The following PTPRG variants were observed in gnomAD, a reference collection of about 807,000 sequenced individuals.
PTPRG encodes the protein protein tyrosine phosphatase receptor type G.
Under a neutral mutation model 165.3 loss-of-function variants are expected in PTPRG, and 102 were observed. That is an observed-to-expected ratio of 0.62 (90% CI 0.53 to 0.73). PTPRG has a LOEUF of 0.73. Ranked by LOEUF, PTPRG falls within the 30% of genes least tolerant of loss-of-function variation. The pLI, the probability that PTPRG is intolerant of heterozygous loss-of-function variation, is 0.00. For synonymous variants in PTPRG, 675 were observed against 669.5 expected (o/e 1.01, Z -0.13); for missense variants, 1,866 against 1,861.4 (o/e 1.00, Z -0.05).
chr3:61,705,308 G>T (rs544663920), intron 1 of PTPRG, among the ~76,000 whole-genome samples: 21 of 152,294 alleles, frequency 1.4e-4, no homozygotes, highest in Non-Finnish European at 2.4e-4. Context: ...ACCAGTATCT[G>T]ATGGGTTTTG....
intron 7 of PTPRG, among the ~76,000 whole-genome samples, chr3:62,162,950 T>A (rs1219236345): frequency 6.6e-6 from 1 of 151,900 alleles, no homozygotes; most frequent in Non-Finnish European, 1.5e-5. Flanking sequence ...AGAAAAGAGG[T>A]TTAATTGGCT....
At chr3:61,640,463 C>T (rs1294825220) in intron 1 of PTPRG, among the ~76,000 whole-genome samples, 1 of 152,148 alleles carries the variant, frequency 6.6e-6, no homozygotes, top group Non-Finnish European at 1.5e-5. Flanking sequence ...GAACATAAAC[C>T]AAGGATCAGG....
intron 1 of PTPRG, among the ~76,000 whole-genome samples, chr3:61,650,104 C>G (rs1408472291): frequency 6.6e-6 from 1 of 152,140 alleles, no homozygotes; most frequent in Non-Finnish European, 1.5e-5. Flanking sequence ...CCCATAAGCA[C>G]CAGGGATTAA....
intron 1 of PTPRG, among the ~76,000 whole-genome samples, chr3:61,634,183 T>C (rs1315264071): frequency 6.6e-6 from 1 of 151,974 alleles, no homozygotes; most frequent in Non-Finnish European, 1.5e-5. Context: ...CTATATACAT[T>C]AATTTCTTAC....
chr3:62,145,020 A>T (rs186333312), intron 6 of PTPRG, among the ~76,000 whole-genome samples: 1 of 152,062 alleles, frequency 6.6e-6, no homozygotes, highest in East Asian at 1.9e-4. Context: ...GAGAGCTCTT[A>T]AAAAAATACC....
chr3:61,888,784 A>G (rs968682545), intron 2 of PTPRG, among the ~76,000 whole-genome samples: 3 of 152,154 alleles, frequency 2.0e-5, no homozygotes, highest in African/African-American at 7.2e-5. Flanking sequence ...CCCAAGCCAG[A>G]TCATACATTG....
chr3:62,138,876 T>C (rs953776624), intron 6 of PTPRG, among the ~76,000 whole-genome samples: 2 of 152,242 alleles, frequency 1.3e-5, no homozygotes, highest in Admixed American at 1.3e-4. Flanking sequence ...TTTGTCTTCC[T>C]TTTTATAGTG....
At chr3:62,288,494 G>A (rs528573105) in intron 28 of PTPRG, among the ~76,000 whole-genome samples, 35 of 152,066 alleles carry the variant, frequency 2.3e-4, no homozygotes, top group African/African-American at 6.3e-4. Context: ...CCAACATGGC[G>A]AAACCCCGTC....
At chr3:62,282,913 G>C (rs1702508478) in intron 28 of PTPRG, 44 bp downstream of exon 28, 3 of 1,546,016 alleles carry the variant, frequency 1.9e-6, no homozygotes, top group African/African-American at 1.4e-5. Flanking sequence ...CCGTTTTTTT[G>C]TTTAATTTCT....
At chr3:62,067,279 A>T (rs1259344514) in intron 4 of PTPRG, among the ~76,000 whole-genome samples, 5 of 149,146 alleles carry the variant, frequency 3.4e-5, no homozygotes, top group African/African-American at 1.2e-4. Flanking sequence ...TTCTTTTGTC[A>T]ACCTCCAAAG....
intron 2 of PTPRG, among the ~76,000 whole-genome samples, chr3:61,871,270 C>G (rs2107444002): frequency 6.6e-6 from 1 of 151,916 alleles, no homozygotes; most frequent in African/African-American, 2.4e-5. Flanking sequence ...GTCTGTCACC[C>G]AGGCTGGAGT....
intron 1 of PTPRG, among the ~76,000 whole-genome samples, chr3:61,684,423 C>T (rs1391264294): frequency 6.6e-6 from 1 of 152,188 alleles, no homozygotes; most frequent in African/African-American, 2.4e-5. Flanking sequence ...ACATTTACAG[C>T]CCTTTTTAAA....
chr3:62,075,907 C>G (rs1297030439), intron 4 of PTPRG, among the ~76,000 whole-genome samples: 2 of 152,214 alleles, frequency 1.3e-5, no homozygotes, highest in East Asian at 3.9e-4. Flanking sequence ...TACCATCATT[C>G]TAGATGGTTC....
At chr3:61,723,761 G>T (rs1015383741) in intron 1 of PTPRG, among the ~76,000 whole-genome samples, 1 of 152,096 alleles carries the variant, frequency 6.6e-6, no homozygotes, top group Admixed American at 6.6e-5. Flanking sequence ...TTTGTAGGTC[G>T]TGGACATTTT....
intron 4 of PTPRG, among the ~76,000 whole-genome samples, chr3:62,018,128 G>A (rs11714411): frequency 0.28 from 43,148 of 152,030 alleles, 6,283 homozygotes; most frequent in East Asian, 0.36. Flanking sequence ...ACATTTGGGA[G>A]TTTCATAGTG....
At chr3:62,012,962 G>A (rs2041462650) in intron 4 of PTPRG, among the ~76,000 whole-genome samples, 1 of 152,000 alleles carries the variant, frequency 6.6e-6, no homozygotes, top group African/African-American at 2.4e-5. Flanking sequence ...ATCACTGAGA[G>A]CAATACTATC....
intron 14 of PTPRG, among the ~76,000 whole-genome samples, chr3:62,235,927 C>A (rs944085745): frequency 6.6e-6 from 1 of 152,128 alleles, no homozygotes; most frequent in Non-Finnish European, 1.5e-5. Flanking sequence ...ACTTCCACAG[C>A]CCTCATGTGA....
At chr3:62,035,276 C>T (rs1259936114) in intron 4 of PTPRG, among the ~76,000 whole-genome samples, 2 of 152,172 alleles carry the variant, frequency 1.3e-5, no homozygotes, top group African/African-American at 4.8e-5. Flanking sequence ...TCAAAAACCT[C>T]AGCATCACCT....
chr3:61,800,962 C>G (rs978328264), intron 2 of PTPRG, among the ~76,000 whole-genome samples: 7 of 152,052 alleles, frequency 4.6e-5, no homozygotes, highest in African/African-American at 1.7e-4. Context: ...TGCACAGTAC[C>G]TTTAAGGAAG....
Sources: gnomAD v4.1 joint callset for allele counts (sites outside exome capture counted in the v4.1 genomes callset) on GRCh38, gnomAD v4.1.1 for gene constraint, MANE v1.5 for transcripts, NCBI Gene and HGNC (gene_info 2026-07-23, HGNC 2026-07-21) for gene names.